Variants in PCDH7 observed in about 807,000 individuals in gnomAD.
PCDH7 encodes protocadherin 7.
Under a neutral mutation model 58.9 loss-of-function variants are expected in PCDH7, and 17 were observed. That is an observed-to-expected ratio of 0.29 (90% CI 0.20 to 0.43). The LOEUF is 0.43. PCDH7 is among the 20% of genes least tolerant of loss of function. The pLI, the probability that PCDH7 is intolerant of heterozygous loss-of-function variation, is 1.00. For synonymous variants in PCDH7, 664 were observed against 616.4 expected (o/e 1.08, Z -1.14); for missense variants, 1,274 against 1,441.0 (o/e 0.88, Z 1.88).
chr4:30,887,831 G>A (rs1171307217), intron 1 of PCDH7, among the ~76,000 whole-genome samples: 2 of 151,562 alleles, frequency 1.3e-5, no homozygotes, highest in Non-Finnish European at 2.9e-5. Flanking sequence ...AAGAAACAAT[G>A]AGCCAAGTAT....
intron 3 of PCDH7, among the ~76,000 whole-genome samples, chr4:31,125,089 A>G (rs924351550): frequency 2.6e-5 from 4 of 152,184 alleles, no homozygotes; most frequent in Non-Finnish European, 5.9e-5. Flanking sequence ...TTTTAGCTGA[A>G]TATGGCTTTA....
At chr4:31,019,069 A>C (rs1409768594) in intron 3 of PCDH7, among the ~76,000 whole-genome samples, 5 of 152,160 alleles carry the variant, frequency 3.3e-5, no homozygotes, top group African/African-American at 1.2e-4. Flanking sequence ...GTATATGACT[A>C]TTGACTCAAC....
chr4:31,037,790 A>C (rs1006973639), intron 3 of PCDH7, among the ~76,000 whole-genome samples: 1 of 152,154 alleles, frequency 6.6e-6, no homozygotes, highest in Non-Finnish European at 1.5e-5. Flanking sequence ...TGAGGCCAGC[A>C]TTTGTGGTGT....
At chr4:30,987,485 C>G (rs1751080222) in intron 3 of PCDH7, 1 of 151,842 alleles carries the variant, frequency 6.6e-6, no homozygotes, top group Admixed American at 6.6e-5. Context: ...GAAGTTTTGC[C>G]ATTAGTAATT....
intron 3 of PCDH7, among the ~76,000 whole-genome samples, chr4:31,015,269 G>A (rs557221139): frequency 2.6e-5 from 4 of 152,194 alleles, no homozygotes; most frequent in Admixed American, 2.0e-4. Context: ...TTGCTTTATT[G>A]TGCAAATAAA....
chr4:31,061,266 T>C (rs753929638), intron 3 of PCDH7, among the ~76,000 whole-genome samples: 7 of 151,758 alleles, frequency 4.6e-5, no homozygotes, highest in Non-Finnish European at 1.0e-4. Context: ...AAAATCTCTT[T>C]TAGCAGAAGC....
intron 1 of PCDH7, among the ~76,000 whole-genome samples, chr4:30,750,217 T>G (rs1718327987): frequency 6.6e-6 from 1 of 152,304 alleles, no homozygotes; most frequent in South Asian, 2.1e-4. Context: ...TAATAGATTA[T>G]GAAAACAGAG....
At chr4:30,958,191 C>T (rs1251433661) in intron 3 of PCDH7, among the ~76,000 whole-genome samples, 1 of 151,814 alleles carries the variant, frequency 6.6e-6, no homozygotes, top group Admixed American at 6.6e-5. Context: ...AGATAGTTTG[C>T]TGGTGGAATG....
intron 3 of PCDH7, among the ~76,000 whole-genome samples, chr4:30,952,119 G>T (rs1747424495): frequency 1.3e-5 from 2 of 151,930 alleles, no homozygotes; most frequent in Admixed American, 6.6e-5. Flanking sequence ...TTTTCTATAA[G>T]AAATAATTTA....
At chr4:30,856,765 A>T (rs1733519594) in intron 1 of PCDH7, among the ~76,000 whole-genome samples, 1 of 151,592 alleles carries the variant, frequency 6.6e-6, no homozygotes, top group Admixed American at 6.6e-5. Flanking sequence ...AGTTATTCAA[A>T]TAAGATTGCA....
intron 1 of PCDH7, among the ~76,000 whole-genome samples, chr4:30,818,054 C>T (rs1727914654): frequency 6.6e-6 from 1 of 152,114 alleles, no homozygotes; most frequent in African/African-American, 2.4e-5. Context: ...AGGTCTAGTC[C>T]CTGTCTGGGA....
At chr4:31,003,668 G>A (rs1036758657) in intron 3 of PCDH7, among the ~76,000 whole-genome samples, 1 of 152,008 alleles carries the variant, frequency 6.6e-6, no homozygotes, top group East Asian at 1.9e-4. Flanking sequence ...AGCAGTTTGG[G>A]AGGCAGAGGC....
chr4:31,036,297 T>C (rs1480112928), intron 3 of PCDH7, among the ~76,000 whole-genome samples: 1 of 152,168 alleles, frequency 6.6e-6, no homozygotes, highest in Non-Finnish European at 1.5e-5. Flanking sequence ...GCTATTTTCC[T>C]GCCTCAGCCT....
intron 3 of PCDH7, among the ~76,000 whole-genome samples, chr4:30,983,397 G>C (rs1246220957): frequency 6.6e-6 from 1 of 152,152 alleles, no homozygotes; most frequent in Non-Finnish European, 1.5e-5. Context: ...CTAAAAACTT[G>C]AGTGGAGGAC....
chr4:30,871,542 C>G (rs6833448), intron 1 of PCDH7, among the ~76,000 whole-genome samples: 1 of 151,940 alleles, frequency 6.6e-6, no homozygotes, highest in Non-Finnish European at 1.5e-5. Context: ...AGCCACTTCC[C>G]GAATACAAGT....
rs35139268 is a variant in PCDH7 at position 30,731,343 on chromosome 4, A to ATGTGTG, written c.*569_*574dup. On this transcript the variant is annotated 3_prime_UTR_variant, in exon 2 of 2. Coordinates refer to ENST00000361762, the Ensembl canonical transcript of PCDH7. The stretch of plus-strand genomic sequence containing the variant: ...TGTGTGTTTGTGTGTGTTTCCATAT[A>ATGTGTG]TGTGTGTGTGTGTGTGTGTATATAT... The ATGTGTG allele has an allele frequency of 3.4e-3, 511 of 152,314 alleles. 3 individuals are homozygous for ATGTGTG. The highest frequency in any genetic ancestry group is 4.9e-3 in the East Asian group (25 of 5,068). The allele number at this position is 152,314 out of a possible 1,614,324, so 9.4% of individuals were successfully genotyped here. A position where few individuals can be genotyped will look rare whatever the true frequency, so the allele number is the denominator to read the frequency against.
intron 3 of PCDH7, among the ~76,000 whole-genome samples, chr4:31,115,986 G>A (rs146213305): frequency 6.6e-6 from 1 of 152,240 alleles, no homozygotes; most frequent in African/African-American, 2.4e-5. Context: ...AAAATGTAAT[G>A]ATGTAATAAC....
intron 1 of PCDH7, among the ~76,000 whole-genome samples, chr4:30,908,984 G>T (rs1421293183): frequency 6.6e-6 from 1 of 152,000 alleles, no homozygotes; most frequent in African/African-American, 2.4e-5. Context: ...TATGTACCAC[G>T]ATCAAGTCAG....
chr4:30,900,501 A>C (rs1451694181), intron 1 of PCDH7, among the ~76,000 whole-genome samples: 1 of 152,188 alleles, frequency 6.6e-6, no homozygotes, highest in East Asian at 1.9e-4. Flanking sequence ...TTAAAGCACC[A>C]GGGATTTTAA....
Sources: allele counts gnomAD v4.1 joint callset (sites outside exome capture counted in the v4.1 genomes callset), GRCh38; gene constraint gnomAD v4.1.1; transcripts MANE v1.5; gene names NCBI Gene and HGNC (gene_info 2026-07-23, HGNC 2026-07-21).